Variants in SCFD2 observed in about 807,000 individuals in gnomAD.
SCFD2 encodes sec1 family domain-containing protein 2.
SCFD2 carries 54 observed loss-of-function variants against 58.9 expected under a neutral mutation model. The ratio of observed to expected loss-of-function variants is 0.92; its 90% CI spans 0.74 to 1.15. The LOEUF (loss-of-function observed/expected upper bound fraction) is 1.15, where lower values mean the gene tolerates loss of function less well. SCFD2 is among the 50% of genes most tolerant of loss of function. SCFD2 has a pLI of 0.00. For synonymous variants in SCFD2, 321 were observed against 335.9 expected (o/e 0.96, Z 0.49); for missense variants, 805 against 836.6 (o/e 0.96, Z 0.47).
intron 4 of SCFD2, among the ~76,000 whole-genome samples, chr4:53,261,583 G>A (rs765233213): frequency 6.6e-6 from 1 of 152,112 alleles, no homozygotes; most frequent in Non-Finnish European, 1.5e-5. Context: ...TGGTCTGAGA[G>A]AGTATCTACT....
intron 7 of SCFD2, among the ~76,000 whole-genome samples, chr4:52,899,670 G>A (rs552853162): frequency 6.6e-6 from 1 of 152,206 alleles, no homozygotes; most frequent in South Asian, 2.1e-4. Flanking sequence ...GGCGTTCCCT[G>A]TATTTCCTGA....
At chr4:53,262,510 A>G (rs1298863701) in intron 4 of SCFD2, among the ~76,000 whole-genome samples, 2 of 152,190 alleles carry the variant, frequency 1.3e-5, no homozygotes, top group Non-Finnish European at 2.9e-5. Flanking sequence ...TCATTTATGA[A>G]GCTTAGTTTT....
chr4:53,315,001 A>C (rs1052873990), intron 2 of SCFD2, among the ~76,000 whole-genome samples: 1 of 152,210 alleles, frequency 6.6e-6, no homozygotes, highest in South Asian at 2.1e-4. Context: ...ACAGATTTTT[A>C]AAAAGCTTTG....
chr4:53,091,756 A>T (rs974124751), intron 5 of SCFD2, among the ~76,000 whole-genome samples: 3 of 152,050 alleles, frequency 2.0e-5, no homozygotes, highest in Non-Finnish European at 4.4e-5. Context: ...GGAGAGATGC[A>T]CTCTGAAAAA....
rs1266410789 is a variant in SCFD2, at chr4:53,109,704, T to A, written c.1561+35629A>T. ...TTCAAGGAGAACTACAAACCACTGC[T>A]CAAGGAAATAAGAGAGGACACAAAC... On this transcript the variant is annotated intron_variant, in intron 5 of 8. Coordinates refer to ENST00000401642, the MANE Select transcript of SCFD2 (RefSeq NM_152540.4). Among the ~76,000 whole-genome samples, 4 of 152,002 alleles carry A rather than the reference T, an allele frequency of 2.6e-5. No homozygotes were observed. In the East Asian group the frequency reaches 5.8e-4, roughly 22 times the overall value.
intron 5 of SCFD2, among the ~76,000 whole-genome samples, chr4:53,063,922 G>A (rs914180575): frequency 4.6e-5 from 7 of 151,834 alleles, no homozygotes; most frequent in African/African-American, 1.7e-4. Flanking sequence ...TGTCTAGCCC[G>A]GATTTACTAT....
intron 5 of SCFD2, among the ~76,000 whole-genome samples, chr4:53,065,032 A>C (rs903923325): frequency 1.9e-4 from 29 of 152,240 alleles, no homozygotes; most frequent in African/African-American, 7.0e-4. Context: ...AAAGAGCCAA[A>C]GTTTTTCCAG....
At chr4:53,324,584 A>G (rs1337733657) in intron 2 of SCFD2, among the ~76,000 whole-genome samples, 1 of 152,194 alleles carries the variant, frequency 6.6e-6, no homozygotes, top group Non-Finnish European at 1.5e-5. Flanking sequence ...AGAGGGAACA[A>G]GGGAAAAACA....
intron 5 of SCFD2, among the ~76,000 whole-genome samples, chr4:53,057,385 T>G (rs1168945304): frequency 6.6e-6 from 1 of 151,912 alleles, no homozygotes; most frequent in East Asian, 1.9e-4. Context: ...GGGATAAATA[T>G]GGAAAGGGAA....
chr4:52,944,346 G>A (rs1247075781), intron 5 of SCFD2, among the ~76,000 whole-genome samples: 1 of 152,120 alleles, frequency 6.6e-6, no homozygotes, highest in African/African-American at 2.4e-5. Flanking sequence ...AAATTATATT[G>A]CTTTTATAAC....
At chr4:53,016,086 G>A (rs1722205975) in intron 5 of SCFD2, among the ~76,000 whole-genome samples, 1 of 152,132 alleles carries the variant, frequency 6.6e-6, no homozygotes, top group Admixed American at 6.6e-5. Flanking sequence ...GGTCACCTGG[G>A]GTGGAGGAAT....
intron 5 of SCFD2, among the ~76,000 whole-genome samples, chr4:52,952,277 A>G (rs1325844147): frequency 3.8e-5 from 2 of 53,160 alleles, no homozygotes; most frequent in Non-Finnish European, 7.2e-5. Flanking sequence ...CCCCTCTCAC[A>G]CCCCCATCCC....
intron 5 of SCFD2, among the ~76,000 whole-genome samples, chr4:53,045,059 G>A (rs1310974114): frequency 2.0e-5 from 3 of 152,082 alleles, no homozygotes. Flanking sequence ...GCATTCAATG[G>A]ACAATAGTAG....
intron 5 of SCFD2, among the ~76,000 whole-genome samples, chr4:53,042,754 A>G (rs1388270026): frequency 6.6e-6 from 1 of 151,930 alleles, no homozygotes; most frequent in African/African-American, 2.4e-5. Context: ...ACTTACACAC[A>G]TTAGATTTCC....
chr4:53,063,473 A>G (rs1221467664), intron 5 of SCFD2, among the ~76,000 whole-genome samples: 5 of 152,146 alleles, frequency 3.3e-5, no homozygotes, highest in Non-Finnish European at 5.9e-5. Context: ...GGAAGGAGAA[A>G]GGCCTGATTT....
intron 5 of SCFD2, among the ~76,000 whole-genome samples, chr4:52,940,455 A>G (rs1347349006): frequency 6.6e-6 from 1 of 152,228 alleles, no homozygotes; most frequent in Non-Finnish European, 1.5e-5. Context: ...GAGACAAGTA[A>G]GTCCCACATT....
chr4:53,349,712 A>C lies in SCFD2; in HGVS notation c.1007+2886T>G, dbSNP rs1311874770. 5.3e-5 allele frequency among the ~76,000 whole-genome samples: 8 copies of C among 152,224 alleles called. No homozygotes were observed. In the East Asian group the frequency reaches 1.5e-3, roughly 29 times the overall value. On this transcript the variant is annotated intron_variant, in intron 2 of 8. Coordinates refer to ENST00000401642, the MANE Select transcript of SCFD2 (RefSeq NM_152540.4). ...TAAATAAAGTGACTATAATCAAAACATTACTTATAGGACTGAAATACTTTT... is the reference window on the plus strand; with the variant it reads ...TAAATAAAGTGACTATAATCAAAACCTTACTTATAGGACTGAAATACTTTT...
At chr4:53,035,719 GA>G (rs1162784318) in intron 5 of SCFD2, among the ~76,000 whole-genome samples, 1 of 152,144 alleles carries the variant, frequency 6.6e-6, no homozygotes, top group Non-Finnish European at 1.5e-5. Context: ...ACAGACATAT[GA>G]AAAAATGCTT....
chr4:53,236,896 T>TA (rs1422596123), intron 4 of SCFD2, among the ~76,000 whole-genome samples: 1 of 151,802 alleles, frequency 6.6e-6, no homozygotes, highest in African/African-American at 2.4e-5. Context: ...GAGGGGGATT[T>TA]GGCAGGGTCA....
Sources: gnomAD v4.1 joint callset for allele counts (sites outside exome capture counted in the v4.1 genomes callset) on GRCh38, gnomAD v4.1.1 for gene constraint, MANE v1.5 for transcripts, NCBI Gene and HGNC (gene_info 2026-07-23, HGNC 2026-07-21) for gene names.